PDZD2: variants seen among roughly 807,000 people sequenced by gnomAD.
PDZD2 encodes PDZ domain containing 2, also known as PDZ domain-containing protein 2.
PDZD2 carries 90 observed loss-of-function variants against 220.7 expected under a neutral mutation model. The ratio of observed to expected loss-of-function variants is 0.41; its 90% confidence interval spans 0.34 to 0.49. The LOEUF is 0.49. PDZD2 is among the 20% of genes least tolerant of loss of function. The pLI, the probability that PDZD2 is intolerant of heterozygous loss-of-function variation, is 0.28. For synonymous variants in PDZD2, 1,375 were observed against 1,450.5 expected, an observed-to-expected ratio of 0.95 and a Z score of 1.18; for missense variants, 3,174 against 3,608.5, an observed-to-expected ratio of 0.88 and a Z score of 3.08.
intron 5 of PDZD2, among the ~76,000 whole-genome samples, chr5:32,010,112 A>G (rs1324132537): frequency 1.3e-5 from 2 of 151,634 alleles, no homozygotes; most frequent in Non-Finnish European, 2.9e-5. Context: ...AAAAAAAGAA[A>G]CAGCTAAGAA....
intron 1 of PDZD2, among the ~76,000 whole-genome samples, chr5:31,671,955 A>G (rs1746233120): frequency 4.6e-5 from 7 of 152,160 alleles, no homozygotes. Context: ...GTTTTCACCT[A>G]GATCAGGGGA....
At chr5:31,970,235 C>T (rs67723861) in intron 2 of PDZD2, among the ~76,000 whole-genome samples, 33,060 of 152,034 alleles carry the variant, frequency 0.22, 3,735 homozygotes, top group South Asian at 0.25. Flanking sequence ...AGGCAATTCT[C>T]AAGACAAATG....
At chr5:31,778,545 A>G (rs975065868) in intron 1 of PDZD2, among the ~76,000 whole-genome samples, 2 of 152,120 alleles carry the variant, frequency 1.3e-5, no homozygotes, top group Non-Finnish European at 2.9e-5. Context: ...AAGAGCTGTA[A>G]CACTCACCAT....
chr5:31,798,712 G>A (rs1383835004), intron 1 of PDZD2, among the ~76,000 whole-genome samples, 177 bp from the exon 2 acceptor site: 2 of 152,180 alleles, frequency 1.3e-5, no homozygotes, highest in South Asian at 4.1e-4. Context: ...AGAAGGGAGT[G>A]TCCATACAGC....
intron 1 of PDZD2, among the ~76,000 whole-genome samples, chr5:31,731,568 T>C (rs1749539526): frequency 6.6e-6 from 1 of 152,222 alleles, no homozygotes. Context: ...AGTGAAATAA[T>C]ACAACCTTCT....
At chr5:31,663,891 G>A (rs995385525) in intron 1 of PDZD2, among the ~76,000 whole-genome samples, 1 of 152,066 alleles carries the variant, frequency 6.6e-6, no homozygotes, top group African/African-American at 2.4e-5. Flanking sequence ...GGGCACAAGT[G>A]TGTGCTTGCA....
chr5:31,758,740 T>A (rs1040757385), intron 1 of PDZD2, among the ~76,000 whole-genome samples: 19 of 152,164 alleles, frequency 1.2e-4, no homozygotes, highest in African/African-American at 4.3e-4. Flanking sequence ...GCCCCTTCCA[T>A]CTTCATTCTC....
intron 13 of PDZD2, among the ~76,000 whole-genome samples, chr5:32,060,022 C>T (rs371076637): frequency 1.3e-5 from 2 of 152,088 alleles, no homozygotes; most frequent in Non-Finnish European, 2.9e-5. Context: ...CACAAAGCAC[C>T]CTGTGCTAAC....
intron 6 of PDZD2, among the ~76,000 whole-genome samples, chr5:32,030,033 G>C (rs1324557074): frequency 1.3e-5 from 2 of 152,242 alleles, no homozygotes; most frequent in East Asian, 3.8e-4. Context: ...AGTGCTTTCT[G>C]TGTGTATTCA....
intron 2 of PDZD2, among the ~76,000 whole-genome samples, chr5:31,970,619 G>C (rs2111777437): frequency 6.6e-6 from 1 of 151,962 alleles, no homozygotes; most frequent in African/African-American, 2.4e-5. Context: ...TCACGCCACT[G>C]CACTCCAGCC....
intron 2 of PDZD2, among the ~76,000 whole-genome samples, chr5:31,978,746 C>T (rs919700932): frequency 1.4e-5 from 2 of 147,796 alleles, no homozygotes; most frequent in African/African-American, 5.0e-5. Context: ...AAGAAAATAC[C>T]CCCTATTTAA....
chr5:32,042,565 C>T (rs914463185), intron 7 of PDZD2, among the ~76,000 whole-genome samples: 11 of 152,016 alleles, frequency 7.2e-5, no homozygotes, highest in African/African-American at 1.9e-4. Flanking sequence ...GAGCCAGACT[C>T]CATCTTAAAA....
At chr5:31,681,200 A>G (rs1746638355) in intron 1 of PDZD2, among the ~76,000 whole-genome samples, 1 of 152,130 alleles carries the variant, frequency 6.6e-6, no homozygotes, top group South Asian at 2.1e-4. Flanking sequence ...TTAAAGGCTT[A>G]TGACTGTTGA....
In PDZD2 at chr5:32,090,832, G is replaced by C; in HGVS notation, c.7384G>C (p.Val2462Leu). 6.2e-7 allele frequency: 1 copy of C among 1,614,100 alleles called. No homozygotes were observed. ...PTPTMTLASP[V>L]KRNKSSVRHT... ...CCCAACGATGACCCTGGCTTCTCCT[G>C]TTAAGAGGAACAAGTCCTCGGTACG... Residue 2462 changes from valine to leucine, a missense_variant, in exon 20 of 25, where the codon GTT becomes CTT. This residue lies in a region of PDZD2 where 631 missense variants were observed against 789.9 expected (regional missense o/e 0.80). Coordinates refer to ENST00000438447, the MANE Select transcript of PDZD2 (RefSeq NM_178140.4). This position sits in a 1 kb window ranked among gnomAD's most constrained non-coding sequence, Gnocchi z 4.3.
intron 1 of PDZD2, among the ~76,000 whole-genome samples, chr5:31,657,581 G>A (rs2150110074): frequency 6.6e-6 from 1 of 152,248 alleles, no homozygotes; most frequent in South Asian, 2.1e-4. Flanking sequence ...GTCAGCCAAG[G>A]GGCTCAAGTG....
At position 32,053,761 on chromosome 5, in the gene PDZD2, G is replaced by A. The variant is rs779023748; in HGVS notation, c.1786-8G>A. The A allele has an allele frequency of 1.9e-6, 3 of 1,546,890 alleles. No homozygotes were observed. Among genetic ancestry groups the A allele is most frequent in the Non-Finnish European group, 2.7e-6 (3 of 1,118,712 alleles). On this transcript the variant is annotated splice_region_variant and splice_polypyrimidine_tract_variant and intron_variant, in intron 9 of 24. Coordinates refer to ENST00000438447, the MANE Select transcript of PDZD2 (RefSeq NM_178140.4). ...GTCAACCTGGACTCTCATCTGCTTC[G>A]GATCTAGGGCCTTGGCTTTAGTATT...
intron 1 of PDZD2, among the ~76,000 whole-genome samples, chr5:31,727,538 A>C (rs982230597): frequency 2.6e-5 from 4 of 150,988 alleles, no homozygotes; most frequent in South Asian, 2.1e-4. Context: ...GTCTCTACTA[A>C]AAATACAAAC....
At chr5:31,707,305 A>AT in intron 1 of PDZD2, among the ~76,000 whole-genome samples, 2 of 102,644 alleles carry the variant, frequency 1.9e-5, no homozygotes, top group African/African-American at 4.5e-5. Context: ...AGTTTAATAA[A>AT]TAAATTAATT....
At chr5:31,728,633 G>A (rs1053028554) in intron 1 of PDZD2, among the ~76,000 whole-genome samples, 3 of 152,120 alleles carry the variant, frequency 2.0e-5, no homozygotes, top group Non-Finnish European at 2.9e-5. Context: ...CATGCTTCTT[G>A]GTTGCACAGA....
Sources: allele counts gnomAD v4.1 joint callset (sites outside exome capture counted in the v4.1 genomes callset), GRCh38; gene constraint gnomAD v4.1.1; regional missense constraint gnomAD v4.1.1; non-coding constraint Gnocchi (gnomAD v3.1); transcripts MANE v1.5; gene names NCBI Gene and HGNC (gene_info 2026-07-23, HGNC 2026-07-21).